Variants in CSMD1 observed in about 807,000 individuals in gnomAD.
The protein encoded by CSMD1 is CUB and sushi domain-containing protein 1.
A neutral mutation model predicts 417.5 loss-of-function variants in CSMD1; 213 were observed. That is an observed-to-expected ratio of 0.51 (90% confidence interval 0.46 to 0.57). CSMD1 has a LOEUF of 0.57. Ranked by LOEUF, CSMD1 falls within the 20% of genes least tolerant of loss-of-function variation. The pLI, the probability that CSMD1 is intolerant of heterozygous loss-of-function variation, is 0.00. For synonymous variants in CSMD1, 2,862 were observed against 1,736.8 expected, an observed-to-expected ratio of 1.65 and a Z score of -16.11; for missense variants, 6,923 against 4,529.7, an observed-to-expected ratio of 1.53 and a Z score of -15.17.
At chr8:4,044,467 A>T (rs1477359535) in intron 3 of CSMD1, among the ~76,000 whole-genome samples, 2 of 152,184 alleles carry the variant, frequency 1.3e-5, no homozygotes, top group Non-Finnish European at 2.9e-5. Flanking sequence ...ATTTAACTGG[A>T]GGGTCACATC....
intron 3 of CSMD1, among the ~76,000 whole-genome samples, chr8:4,059,930 C>G (rs1189972390): frequency 1.3e-5 from 2 of 151,960 alleles, no homozygotes; most frequent in Non-Finnish European, 2.9e-5. Context: ...GGAATCCTCC[C>G]TAACTCATTT....
chr8:4,839,665 C>T (rs549023384), intron 1 of CSMD1, among the ~76,000 whole-genome samples: 3 of 152,304 alleles, frequency 2.0e-5, no homozygotes, highest in South Asian at 2.1e-4. Context: ...GAAACTAAGA[C>T]ATCAGATTTC....
chr8:4,797,094 C>A (rs754638052), intron 1 of CSMD1, among the ~76,000 whole-genome samples: 1 of 152,042 alleles, frequency 6.6e-6, no homozygotes, highest in South Asian at 2.1e-4. Flanking sequence ...CAGTGAGAAT[C>A]GAATCAGAGA....
At chr8:4,731,132 G>A (rs925088071) in intron 1 of CSMD1, among the ~76,000 whole-genome samples, 5 of 152,176 alleles carry the variant, frequency 3.3e-5, no homozygotes, top group Non-Finnish European at 7.3e-5. Flanking sequence ...GAAACCATGA[G>A]ATGGCTTCGA....
At chr8:4,008,553 T>A (rs1206417882) in intron 4 of CSMD1, among the ~76,000 whole-genome samples, 1 of 151,358 alleles carries the variant, frequency 6.6e-6, no homozygotes, top group African/African-American at 2.4e-5. Context: ...TACTTGATTG[T>A]TAAAGTTAGC....
Position 3,289,658 on chromosome 8 carries a change from C to CT in CSMD1, c.3951-5313dup, listed in dbSNP as rs1230812012. On this transcript the variant is annotated intron_variant, in intron 25 of 69. Transcript: ENST00000635120. The stretch of plus-strand genomic sequence containing the variant: ...AGTGTCTGTTCATATCCTTTGCCCA[C>CT]TTTTTGATGGGGTTGTTTGTTTTTT... Among the ~76,000 whole-genome samples, 6 of 142,328 alleles carry CT rather than the reference C, an allele frequency of 4.2e-5. 2 individuals are homozygous for CT. Among genetic ancestry groups the CT allele is most frequent in the African/African-American group, 1.5e-4 (5 of 33,046 alleles). The allele number at this position is 142,328 out of a possible 152,430, so 93.4% of individuals were successfully genotyped here. A position where few individuals can be genotyped will look rare whatever the true frequency, so the allele number is the denominator to read the frequency against.
chr8:4,072,779 A>G (rs1313254199), intron 3 of CSMD1, among the ~76,000 whole-genome samples: 1 of 152,112 alleles, frequency 6.6e-6, no homozygotes, highest in Non-Finnish European at 1.5e-5. Flanking sequence ...GGAGCCTCAC[A>G]GTCATGGAAA....
At chr8:4,095,005 G>A (rs1800926436) in intron 3 of CSMD1, among the ~76,000 whole-genome samples, 3 of 152,184 alleles carry the variant, frequency 2.0e-5, no homozygotes, top group South Asian at 4.1e-4. Flanking sequence ...GACTAGAAAT[G>A]GAGAGACCAT....
chr8:4,691,625 C>T (rs1178815535), intron 1 of CSMD1, among the ~76,000 whole-genome samples: 2 of 152,168 alleles, frequency 1.3e-5, no homozygotes, highest in East Asian at 1.9e-4. Context: ...ATTTTCTGCA[C>T]TCCATCTATG....
At chr8:4,919,426 A>G (rs991929393) in intron 1 of CSMD1, among the ~76,000 whole-genome samples, 2 of 152,200 alleles carry the variant, frequency 1.3e-5, no homozygotes, top group African/African-American at 4.8e-5. Flanking sequence ...TTCCAATATA[A>G]TAACAAAAAT....
intron 8 of CSMD1, among the ~76,000 whole-genome samples, chr8:3,591,029 G>A (rs1421481866): frequency 6.6e-6 from 1 of 152,150 alleles, no homozygotes; most frequent in African/African-American, 2.4e-5. Context: ...GAAAATTCCA[G>A]GAGAAAAAAG....
intron 30 of CSMD1, 128 bp from the exon 31 acceptor site, chr8:3,205,748 A>C: frequency 2.0e-6 from 1 of 487,906 alleles, no homozygotes; most frequent in Non-Finnish European, 3.6e-6. Context: ...AGAAGTTAAA[A>C]TCTTGTTTTG....
intron 3 of CSMD1, among the ~76,000 whole-genome samples, chr8:4,186,010 A>T (rs1173894197): frequency 1.3e-5 from 2 of 152,150 alleles, no homozygotes; most frequent in African/African-American, 2.4e-5. Context: ...TTATGATCTG[A>T]TACATACAAA....
intron 5 of CSMD1, among the ~76,000 whole-genome samples, chr8:3,991,951 T>A (rs957771203): frequency 2.8e-4 from 42 of 151,840 alleles, no homozygotes; most frequent in Non-Finnish European, 4.6e-4. Flanking sequence ...TAACAAACAC[T>A]CGGTGATTAT....
intron 1 of CSMD1, among the ~76,000 whole-genome samples, chr8:4,702,403 T>A (rs1046679424): frequency 2.0e-5 from 3 of 152,158 alleles, no homozygotes; most frequent in African/African-American, 7.2e-5. Flanking sequence ...TGAACAACAG[T>A]TTTGAAAACA....
chr8:4,834,591 G>A (rs927064053), intron 1 of CSMD1, among the ~76,000 whole-genome samples: 1 of 152,022 alleles, frequency 6.6e-6, no homozygotes. Flanking sequence ...CAAAAAGAAT[G>A]AGAACAACGT....
chr8:3,269,479 A>G (rs1478660569), intron 26 of CSMD1, among the ~76,000 whole-genome samples: 1 of 152,212 alleles, frequency 6.6e-6, no homozygotes, highest in Non-Finnish European at 1.5e-5. Context: ...ATAAACAACA[A>G]ATGATGTTTT....
At chr8:3,779,255 G>A (rs557781512) in intron 5 of CSMD1, among the ~76,000 whole-genome samples, 1 of 152,050 alleles carries the variant, frequency 6.6e-6, no homozygotes, top group East Asian at 1.9e-4. Context: ...GGACTAGCAA[G>A]GGTATTATCT....
chr8:4,658,473 G>A (rs1018669794), intron 1 of CSMD1, among the ~76,000 whole-genome samples: 92 of 152,144 alleles, frequency 6.0e-4, no homozygotes, highest in African/African-American at 2.2e-3. Context: ...ACGCAAAAAA[G>A]CAAAAACAAA....
Sources: allele counts gnomAD v4.1 joint callset (sites outside exome capture counted in the v4.1 genomes callset), GRCh38; gene constraint gnomAD v4.1.1; transcripts MANE v1.5; gene names NCBI Gene and HGNC (gene_info 2026-07-23, HGNC 2026-07-21).